Variants in SLIT1 observed in about 807,000 individuals in gnomAD.
SLIT1 encodes the protein slit homolog 1 protein.
In SLIT1, 66 loss-of-function variants were observed where a neutral mutation model predicts 186.1. The ratio of observed to expected loss-of-function variants is 0.35; its 90% CI spans 0.29 to 0.44. SLIT1 has a LOEUF of 0.44. Among genes scored for constraint, SLIT1 ranks in the 20% least tolerant of loss-of-function variants. The pLI is 1.00. For synonymous variants in SLIT1, 761 were observed against 833.8 expected, an observed-to-expected ratio of 0.91 and a Z score of 1.50; for missense variants, 1,638 against 2,037.4, an observed-to-expected ratio of 0.80 and a Z score of 3.77.
chr10:97,019,943 G>A (rs1273340253), intron 26 of SLIT1, among the ~76,000 whole-genome samples: 1 of 151,932 alleles, frequency 6.6e-6, no homozygotes, highest in Non-Finnish European at 1.5e-5. Flanking sequence ...GGGTAGAGAT[G>A]GGGTTCTGTT....
intron 13 of SLIT1, among the ~76,000 whole-genome samples, chr10:97,050,670 C>G (rs1307459236): frequency 1.3e-5 from 2 of 152,236 alleles, no homozygotes; most frequent in Non-Finnish European, 2.9e-5. Flanking sequence ...TCCTCCCCAG[C>G]TGCCCATCCA....
chr10:97,116,230 A>T (rs997443915), intron 4 of SLIT1, among the ~76,000 whole-genome samples: 2 of 152,198 alleles, frequency 1.3e-5, no homozygotes, highest in Admixed American at 6.5e-5. Flanking sequence ...AGGAGGAGGC[A>T]GCAGTAGGAG....
At chr10:97,090,076 C>T (rs921369153) in intron 4 of SLIT1, among the ~76,000 whole-genome samples, 3 of 152,178 alleles carry the variant, frequency 2.0e-5, no homozygotes, top group Non-Finnish European at 4.4e-5. Flanking sequence ...TCATCCAGGC[C>T]CTCTCCATTC....
intron 4 of SLIT1, among the ~76,000 whole-genome samples, chr10:97,143,679 G>T (rs1849787851): frequency 6.6e-6 from 1 of 152,162 alleles, no homozygotes; most frequent in African/African-American, 2.4e-5. Flanking sequence ...AAAAAGGAGG[G>T]ATGGGGTTTG....
chr10:97,153,714 AC>A (rs1849909252), intron 4 of SLIT1: 1 of 152,220 alleles, frequency 6.6e-6, no homozygotes, highest in Non-Finnish European at 1.5e-5. Context: ...GGGGCCTGAG[AC>A]GCTGTGTGGA....
chr10:97,177,557 G>T lies in SLIT1; in HGVS notation c.197+7921C>A, dbSNP rs543956946. Reference sequence around the variant, plus strand: ...ACAAATGTATTATCTTTCAGTTCTGGAAGTTAGAAGTCCAAAATCAGTCTA... The same window carrying T: ...ACAAATGTATTATCTTTCAGTTCTGTAAGTTAGAAGTCCAAAATCAGTCTA... On this transcript the variant is annotated intron_variant, in intron 1 of 36. Transcript: ENST00000266058. Among the ~76,000 whole-genome samples, 99 of 152,320 alleles carry T rather than the reference G, an allele frequency of 6.5e-4. 1 individual carries two copies. In the South Asian group the frequency reaches 0.019, roughly 30 times the overall value.
chr10:97,124,557 G>A (rs111455656), intron 4 of SLIT1, among the ~76,000 whole-genome samples: 58 of 152,260 alleles, frequency 3.8e-4, no homozygotes, highest in African/African-American at 1.2e-3. Context: ...GTGCGCACCC[G>A]GCTTCCCAGG....
Position 97,047,674 on chromosome 10 carries a change from G to T in SLIT1, c.1634+16C>A, listed in dbSNP as rs756829137. On this transcript the variant is annotated intron_variant, in intron 16 of 36. Transcript: ENST00000266058. Reference sequence around the variant, plus strand: ...GTTAGGGACAGGGGAGGGCTGGGGGGGCCAGGGACCCTCACAGTTCTGCCG... The same window carrying T: ...GTTAGGGACAGGGGAGGGCTGGGGGTGCCAGGGACCCTCACAGTTCTGCCG... The T allele has an allele frequency of 3.1e-6, 5 of 1,611,682 alleles. No individual in the cohort carries two copies. Among genetic ancestry groups the T allele is most frequent in the African/African-American group, 1.3e-5 (1 of 74,904 alleles).
Position 97,086,144 on chromosome 10 carries a change from C to A in SLIT1, c.414-20058G>T, listed in dbSNP as rs573589113. On this transcript the variant is annotated intron_variant, in intron 4 of 36. Coordinates refer to ENST00000266058, the MANE Select transcript of SLIT1 (RefSeq NM_003061.3). ...GTTACAACTTATGTTCACAAAAAAT[C>A]TGTACATGGGTGTTTATGGCAGCTT... Among the ~76,000 whole-genome samples the A allele has an allele frequency of 7.9e-5, 12 of 152,350 alleles. No individual in the cohort carries two copies. The East Asian group carries it at 2.1e-3, about 27-fold the overall frequency.
chr10:97,128,075 C>T (rs190669045), intron 4 of SLIT1, among the ~76,000 whole-genome samples: 3 of 152,244 alleles, frequency 2.0e-5, no homozygotes, highest in Admixed American at 1.3e-4. Flanking sequence ...GAGCCCCCTG[C>T]TCTCGGGCCT....
intron 13 of SLIT1, among the ~76,000 whole-genome samples, chr10:97,051,766 C>T (rs113197232): frequency 0.12 from 18,458 of 148,056 alleles, 1,330 homozygotes; most frequent in African/African-American, 0.18. Context: ...GAGCCGAGAT[C>T]GTGCCACTGC....
chr10:97,115,293 A>C (rs138512442), intron 4 of SLIT1, among the ~76,000 whole-genome samples: 8 of 152,260 alleles, frequency 5.3e-5, no homozygotes, highest in African/African-American at 1.7e-4. Context: ...CCAGCCTGCT[A>C]TTCCTTGGAA....
In SLIT1 at chr10:97,185,691, C is replaced by G. The variant is rs1241529702; in HGVS notation, c.-17G>C. ...CAGCGCCATGGTGCCCTCACAGCGT[C>G]CCGCTCGCGAGCCAGACGGCAGCAG... On this transcript the variant is annotated 5_prime_UTR_variant, in exon 1 of 37. Transcript: ENST00000266058. The G allele has an allele frequency of 6.7e-7, 1 of 1,486,528 alleles. No homozygotes were observed. Among genetic ancestry groups the G allele is most frequent in the Admixed American group, 2.3e-5 (1 of 43,236 alleles). The allele number at this position is 1,486,528 out of a possible 1,614,324, so 92.1% of individuals were successfully genotyped here.
chr10:96,998,894 C>T lies in SLIT1; in HGVS notation c.*2218G>A, dbSNP rs1848273758. On this transcript the variant is annotated 3_prime_UTR_variant, in exon 37 of 37. Coordinates refer to ENST00000266058, the MANE Select transcript of SLIT1 (RefSeq NM_003061.3). ...CACCTGTCTACAGGTGTCCTTTCCA[C>T]CTCCTGCAGAATGAAGAGGCCTCCT... The T allele has an allele frequency of 6.6e-6, 1 of 152,324 alleles. No homozygotes were observed. Among genetic ancestry groups the T allele is most frequent in the African/African-American group, 2.4e-5 (1 of 41,472 alleles). The allele number at this position is 152,324 out of a possible 1,614,324, so 9.4% of individuals were successfully genotyped here. A position where few individuals can be genotyped will look rare whatever the true frequency, so the allele number is the denominator to read the frequency against.
intron 4 of SLIT1, among the ~76,000 whole-genome samples, chr10:97,100,784 AG>A (rs1323665054): frequency 6.6e-6 from 1 of 152,248 alleles, no homozygotes. Context: ...CTCCCCACCA[AG>A]GAGGGGCTCC....
chr10:97,047,876 C>T (rs376416551), intron 15 of SLIT1, 42 bp from the exon 16 acceptor site: 19 of 1,612,902 alleles, frequency 1.2e-5, no homozygotes, highest in Non-Finnish European at 1.4e-5. Flanking sequence ...GAGCCCGGGG[C>T]CGGCTCCCAG....
Position 97,047,715 on chromosome 10 carries a change from G to A in SLIT1, c.1609C>T (p.Arg537Cys), listed in dbSNP as rs996961847. 1.1e-5 allele frequency: 18 copies of A among 1,613,788 alleles called. No individual in the cohort carries two copies. The highest frequency in any genetic ancestry group is 8.9e-5 in the East Asian group (4 of 44,900). ...SSLKLTKIPE[R>C]IPQSTAELRL... ...AGTTCTGCCGTGGACTGGGGGATGC[G>A]CTCAGGGATCTTGGTGAGCTTCAGG... The change falls in exon 16 of 37, where the codon CGC (arginine) becomes TGC (cysteine). Residue 537 changes from arginine (R) to cysteine (C), a missense_variant. Arg to Cys is a radical substitution (Grantham distance 180). Coordinates refer to ENST00000266058, the MANE Select transcript of SLIT1 (RefSeq NM_003061.3).
intron 4 of SLIT1, among the ~76,000 whole-genome samples, chr10:97,108,021 C>T (rs1044501475): frequency 6.6e-6 from 1 of 152,214 alleles, no homozygotes; most frequent in African/African-American, 2.4e-5. Context: ...CACACACGTG[C>T]CCAGCTCTTC....
In SLIT1 at chr10:97,043,457, C is replaced by T. The variant is rs774342291; in HGVS notation, c.1910G>A (p.Arg637His). Residue 637 changes from arginine (R) to histidine (H), a missense_variant, in exon 19 of 37, where the codon CGC becomes CAC. Around this residue, in one of 3 missense-constraint regions of SLIT1, gnomAD observed 1,245 missense variants for 1,535.3 expected, o/e 0.81. Coordinates refer to ENST00000266058, the MANE Select transcript of SLIT1 (RefSeq NM_003061.3). The surrounding 1 kb of genome is among the most constrained non-coding windows in gnomAD (Gnocchi z 7.0). ...CIHNDSFTGL[R>H]NVRLLSLYDN... ...GTAGAGCGAGAGGAGCCGGACGTTG[C>T]GCAGGCCCGTGAAGCTGTCGTTGTG... 5 of 1,613,802 alleles carry T rather than the reference C, an allele frequency of 3.1e-6. No individual in the cohort carries two copies. The highest frequency in any genetic ancestry group is 1.3e-5 in the African/African-American group (1 of 74,896).
Sources: gnomAD v4.1 joint callset for allele counts (sites outside exome capture counted in the v4.1 genomes callset) on GRCh38, gnomAD v4.1.1 for gene constraint, gnomAD v4.1.1 regional missense constraint, Gnocchi (gnomAD v3.1) non-coding constraint, MANE v1.5 for transcripts, NCBI Gene and HGNC (gene_info 2026-07-23, HGNC 2026-07-21) for gene names.